GRIN2B: variants seen among roughly 807,000 people sequenced by gnomAD.
GRIN2B encodes glutamate receptor ionotropic, NMDA 2B.
GRIN2B carries 5 observed loss-of-function variants against 114.5 expected under a neutral mutation model. The ratio of observed to expected loss-of-function variants is 0.04; its 90% CI spans 0.02 to 0.09. The LOEUF is 0.09. Ranked by LOEUF, GRIN2B falls within the 10% of genes least tolerant of loss-of-function variation. The probability of loss-of-function intolerance (pLI) is 1.00; values close to 1 mark genes in which losing one functional copy is unlikely to be tolerated. For missense variants in GRIN2B, 1,108 were observed against 1,943.5 expected, an observed-to-expected ratio of 0.57 and a Z score of 8.08; for synonymous variants, 787 against 745.1, an observed-to-expected ratio of 1.06 and a Z score of -0.92.
chr12:13,772,346 G>A (rs1321212840), intron 3 of GRIN2B, among the ~76,000 whole-genome samples: 2 of 152,088 alleles, frequency 1.3e-5, no homozygotes, highest in Non-Finnish European at 2.9e-5. Context: ...TGTCCACTCT[G>A]AGTTCTTCCC....
At chr12:13,775,531 T>C (rs1863989127) in intron 3 of GRIN2B, among the ~76,000 whole-genome samples, 2 of 152,210 alleles carry the variant, frequency 1.3e-5, no homozygotes, top group Admixed American at 6.5e-5. Flanking sequence ...TGTTTGCAGT[T>C]CTCTGTCTGC....
chr12:13,784,529 G>A (rs1864188399), intron 3 of GRIN2B, among the ~76,000 whole-genome samples: 2 of 152,032 alleles, frequency 1.3e-5, no homozygotes, highest in Non-Finnish European at 2.9e-5. Flanking sequence ...TGACTTCGCT[G>A]TCTCCCCATT....
chr12:13,719,747 T>C lies in GRIN2B; in HGVS notation c.1010+33570A>G, dbSNP rs568305411. Among the ~76,000 whole-genome samples the C allele has an allele frequency of 2.6e-5, 4 of 152,250 alleles. No homozygotes were observed. The South Asian group carries it at 6.2e-4, about 24-fold the overall frequency. On this transcript the variant is annotated intron_variant, in intron 4 of 13. Transcript: ENST00000609686. ...TTATGCTAACTTGTCCCTTTGGAAG[T>C]ATAGCTGTCTTAAGGCCACAGGGTC...
At chr12:13,729,128 G>T (rs968816082) in intron 4 of GRIN2B, among the ~76,000 whole-genome samples, 1 of 152,124 alleles carries the variant, frequency 6.6e-6, no homozygotes, top group Admixed American at 6.5e-5. Context: ...TTATTTTTCT[G>T]TTTTTTTCTT....
chr12:13,972,733 C>G (rs546534590), intron 2 of GRIN2B, among the ~76,000 whole-genome samples: 2 of 152,156 alleles, frequency 1.3e-5, no homozygotes, highest in Non-Finnish European at 2.9e-5. Context: ...GGGTGGTTGT[C>G]GAGGAGGACA....
rs542059586 is a variant in GRIN2B at position 13,738,838 on chromosome 12, C to T, written c.1010+14479G>A. 3.6e-3 allele frequency among the ~76,000 whole-genome samples: 553 copies of T among 152,234 alleles called. 4 individuals are homozygous for T. Among genetic ancestry groups the T allele is most frequent in the African/African-American group, 0.013 (524 of 41,550 alleles). On this transcript the variant is annotated intron_variant, in intron 4 of 13. Transcript: ENST00000609686. ...TACACGTCTGTTCCCGGGCCCTTACCCTCTTCCAGTGCAGCTACATCAGAA... is the reference window on the plus strand; with the variant it reads ...TACACGTCTGTTCCCGGGCCCTTACTCTCTTCCAGTGCAGCTACATCAGAA...
At chr12:13,875,466 G>A (rs1591597732) in intron 2 of GRIN2B, among the ~76,000 whole-genome samples, 1 of 152,190 alleles carries the variant, frequency 6.6e-6, no homozygotes, top group Admixed American at 6.5e-5. Context: ...GGTGGAGGTT[G>A]CAGTGAGCTG....
At chr12:13,570,185 G>A (rs1273705862) in intron 11 of GRIN2B, among the ~76,000 whole-genome samples, 168 bp from the exon 12 acceptor site, 1 of 152,326 alleles carries the variant, frequency 6.6e-6, no homozygotes, top group East Asian at 1.9e-4. Context: ...ATCCCAGGCT[G>A]TTCTTTATGT....
At chr12:13,679,120 A>C (rs1950105342) in intron 4 of GRIN2B, among the ~76,000 whole-genome samples, 1 of 151,986 alleles carries the variant, frequency 6.6e-6, no homozygotes, top group Admixed American at 6.6e-5. Context: ...GAGGGAAATA[A>C]ATTATCTGGT....
At chr12:13,769,319 C>T (rs1464941244) in intron 3 of GRIN2B, among the ~76,000 whole-genome samples, 2 of 151,712 alleles carry the variant, frequency 1.3e-5, no homozygotes, top group East Asian at 1.9e-4. Context: ...TTTCTTATTT[C>T]CCATTCTGTT....
intron 2 of GRIN2B, among the ~76,000 whole-genome samples, chr12:13,901,243 C>T (rs1485486507): frequency 6.6e-6 from 1 of 152,118 alleles, no homozygotes; most frequent in Non-Finnish European, 1.5e-5. Flanking sequence ...TGAGGTTGAA[C>T]ATCTTTTCAT....
intron 2 of GRIN2B, among the ~76,000 whole-genome samples, chr12:13,948,454 C>T (rs1867407613): frequency 6.6e-6 from 1 of 152,268 alleles, no homozygotes. Flanking sequence ...AGATAAAGCA[C>T]AGTCTCACAG....
chr12:13,728,701 C>T (rs1389635914), intron 4 of GRIN2B, among the ~76,000 whole-genome samples: 1 of 152,144 alleles, frequency 6.6e-6, no homozygotes, highest in Non-Finnish European at 1.5e-5. Flanking sequence ...ACTGTACACA[C>T]AGCCAATGCT....
chr12:13,962,692 C>T (rs1867715755), intron 2 of GRIN2B, among the ~76,000 whole-genome samples: 1 of 152,176 alleles, frequency 6.6e-6, no homozygotes, highest in African/African-American at 2.4e-5. Context: ...GACCGTAACA[C>T]CCAAGCAAGC....
intron 5 of GRIN2B, among the ~76,000 whole-genome samples, chr12:13,651,064 T>C (rs1490572047): frequency 6.6e-6 from 1 of 152,098 alleles, no homozygotes; most frequent in Non-Finnish European, 1.5e-5. Flanking sequence ...ATCTTTCCAC[T>C]AAATGAGAGG....
chr12:13,568,683 T>C (rs1026736235), intron 12 of GRIN2B, among the ~76,000 whole-genome samples: 4 of 152,246 alleles, frequency 2.6e-5, no homozygotes, highest in African/African-American at 7.2e-5. Context: ...ATAATTGAGA[T>C]AGCCACTTGG....
At chr12:13,948,133 A>G (rs1039700977) in intron 2 of GRIN2B, among the ~76,000 whole-genome samples, 4 of 152,212 alleles carry the variant, frequency 2.6e-5, no homozygotes, top group Admixed American at 6.5e-5. Context: ...ATGCATAAAT[A>G]TGATACAAAA....
chr12:13,922,657 G>A (rs1050118406), intron 2 of GRIN2B, among the ~76,000 whole-genome samples: 2 of 152,182 alleles, frequency 1.3e-5, no homozygotes, highest in African/African-American at 4.8e-5. Context: ...TAACATCTTA[G>A]TTAATGATCT....
At chr12:13,704,518 G>A (rs1234942640) in intron 4 of GRIN2B, among the ~76,000 whole-genome samples, 1 of 152,026 alleles carries the variant, frequency 6.6e-6, no homozygotes. Context: ...CAGCATTACA[G>A]TTCTTCTTGG....
Sources: allele counts gnomAD v4.1 joint callset (sites outside exome capture counted in the v4.1 genomes callset), GRCh38; gene constraint gnomAD v4.1.1; transcripts MANE v1.5; gene names NCBI Gene and HGNC (gene_info 2026-07-23, HGNC 2026-07-21).